SPON2: variants seen among roughly 807,000 people sequenced by gnomAD.
SPON2 encodes spondin 2.
Under a neutral mutation model 29.9 loss-of-function variants are expected in SPON2, and 32 were observed. The observed-to-expected ratio is 1.07, with a 90% CI of 0.81 to 1.44. The LOEUF is 1.44. SPON2 is among the 40% of genes most tolerant of loss of function. The pLI, the probability that SPON2 is intolerant of heterozygous loss-of-function variation, is 0.00. For synonymous variants in SPON2, 248 were observed against 209.1 expected (o/e 1.19, Z -1.61); for missense variants, 541 against 455.5 (o/e 1.19, Z -1.71).
chr4:1,172,315 C>A (rs927792838), intron 1 of SPON2: 1 of 580,058 alleles, frequency 1.7e-6, no homozygotes. Context: ...GTTTTCAGTC[C>A]GAGTCCCTGC....
chr4:1,174,273 G>T (rs903813421), upstream of SPON2, among the ~76,000 whole-genome samples: 1 of 151,904 alleles, frequency 6.6e-6, no homozygotes. Context: ...GATCACTTGA[G>T]GTCAGGAACT....
chr4:1,195,460 CCCTTGGAGGCTGCCATGGCA>C (rs1339631990), upstream of SPON2, among the ~76,000 whole-genome samples: 9 of 151,778 alleles, frequency 5.9e-5, no homozygotes, highest in African/African-American at 2.2e-4. Flanking sequence ...AGTCCTCGGC[CCCTTGGAGGCTGCCATGGCA>C]CCTGAACCTC....
rs1553831338 is a variant in SPON2, at chr4:1,188,223, A to AAAAG, written c.-239+6763_-239+6766dup. Reference sequence around the variant, plus strand: ...GTCTCAAAAAAAAAAAAAAAAAAAAAAAAGAAATGACAAATATGTTGAAAT... The same window carrying AAAAG: ...GTCTCAAAAAAAAAAAAAAAAAAAAAAAAGAAAGAAATGACAAATATGTTGAAAT... On this transcript the variant is annotated intron_variant, in intron 1 of 3. Transcript: ENST00000502483. Among the ~76,000 whole-genome samples, 1,107 of 143,394 alleles carry AAAAG rather than the reference A, an allele frequency of 7.7e-3. 10 individuals are homozygous for AAAAG. The highest frequency in any genetic ancestry group is 9.6e-3 in the Non-Finnish European group (629 of 65,620). The allele number at this position is 143,394 out of a possible 152,430, so 94.1% of individuals were successfully genotyped here.
chr4:1,201,266 T>C, intron 1 of SPON2: 1 of 390,126 alleles, frequency 2.6e-6, no homozygotes, highest in Admixed American at 2.6e-5. Context: ...ATGCCCGCCC[T>C]ACCTGCCCTG....
chr4:1,176,849 A>ACACTTCATTCATTCATTCAC (rs1727612835), upstream of SPON2, among the ~76,000 whole-genome samples: 2 of 151,522 alleles, frequency 1.3e-5, no homozygotes, highest in African/African-American at 4.9e-5. Context: ...GTTCATTCAC[A>ACACTTCATTCATTCATTCAC]CACTTCATTC....
At chr4:1,195,348 A>G (rs1229943928), upstream of SPON2, among the ~76,000 whole-genome samples, 1 of 151,978 alleles carries the variant, frequency 6.6e-6, no homozygotes, top group Non-Finnish European at 1.5e-5. Flanking sequence ...AGGCAACAGG[A>G]CCGGCCCCCT....
At chr4:1,201,097 C>T (rs1728192292) in intron 1 of SPON2, 2 of 455,152 alleles carry the variant, frequency 4.4e-6, no homozygotes, top group Admixed American at 4.7e-5. Flanking sequence ...CATGGATGCA[C>T]CCTGCCCACA....
intron 4 of SPON2, 200 bp downstream of exon 4, chr4:1,170,799 G>A: frequency 2.1e-6 from 2 of 958,984 alleles, no homozygotes; most frequent in East Asian, 5.2e-5. Context: ...TGTCCTCCCT[G>A]CGGTGCTGTG....
chr4:1,199,834 A>G (rs573883313), upstream of SPON2: 3 of 152,534 alleles, frequency 2.0e-5, no homozygotes, highest in African/African-American at 7.2e-5. This position sits in a 1 kb window ranked among gnomAD's most constrained non-coding sequence, Gnocchi z 4.5. Context: ...AGCTGGCAGG[A>G]ACAGTGTCTC....
chr4:1,171,666 A>G, intron 2 of SPON2, 180 bp from the exon 3 acceptor site: 1 of 765,816 alleles, frequency 1.3e-6, no homozygotes, highest in South Asian at 1.8e-5. Context: ...CCTCCCCGTG[A>G]GCGCCCCCTG....
chr4:1,194,910 G>A (rs2335915), intron 1 of SPON2: 33,606 of 89,878 alleles, frequency 0.37, 5,682 homozygotes, highest in Non-Finnish European at 0.43. Flanking sequence ...CTCCAACCCC[G>A]CAGCCGGCGG....
intron 1 of SPON2, among the ~76,000 whole-genome samples, chr4:1,207,286 G>T (rs1728365835): frequency 6.6e-6 from 1 of 152,128 alleles, no homozygotes; most frequent in Non-Finnish European, 1.5e-5. Context: ...GGTGAGTCCG[G>T]CTGCTCGACA....
At chr4:1,195,453 C>T (rs976540077), upstream of SPON2, among the ~76,000 whole-genome samples, 20 of 151,474 alleles carry the variant, frequency 1.3e-4, no homozygotes, top group Non-Finnish European at 2.5e-4. Context: ...CTCCCTAAGT[C>T]CTCGGCCCCT....
intron 1 of SPON2, among the ~76,000 whole-genome samples, chr4:1,193,628 G>C (rs1385362161): frequency 1.3e-5 from 1 of 74,934 alleles, no homozygotes; most frequent in Admixed American, 1.4e-4. Flanking sequence ...TGTGGAGGGG[G>C]CATGGGAAGG....
At chr4:1,167,838 T>G in intron 5 of SPON2, 182 bp from the exon 6 acceptor site, 3 of 565,800 alleles carry the variant, frequency 5.3e-6, no homozygotes, top group Middle Eastern at 4.7e-4. Context: ...CATAGCAACC[T>G]CGGACACAAC....
At chr4:1,186,243 CA>C (rs1269849796) in intron 1 of SPON2, among the ~76,000 whole-genome samples, 1,671 of 61,752 alleles carry the variant, frequency 0.027, 6 homozygotes, top group Non-Finnish European at 0.035. Context: ...GACTCCGTCT[CA>C]AAAAAAAAAA....
chr4:1,169,273 A>G (rs182826379), intron 5 of SPON2, among the ~76,000 whole-genome samples: 3 of 152,126 alleles, frequency 2.0e-5, no homozygotes, highest in Admixed American at 2.0e-4. Context: ...CACCACGAAC[A>G]GTGCTGGCAC....
upstream of SPON2, among the ~76,000 whole-genome samples, chr4:1,196,511 C>A (rs1176052744): frequency 6.6e-6 from 1 of 152,178 alleles, no homozygotes. Context: ...ACTGCGGTGA[C>A]CAGGGTTACT....
chr4:1,170,700 G>T lies in SPON2; in HGVS notation c.637-124C>A, dbSNP rs1248324343. On this transcript the variant is annotated intron_variant, in intron 4 of 5. Transcript: ENST00000290902. ...CCTCTGCACCACTGTTGGGGACAGG[G>T]TCCCATGTACTCCTCTCAGCCATCC... 3.3e-6 allele frequency: 4 copies of T among 1,227,822 alleles called. No homozygotes were observed. The Admixed American group carries it at 5.9e-5, about 18-fold the overall frequency. The allele number at this position is 1,227,822 out of a possible 1,614,324, so 76.1% of individuals were successfully genotyped here.
Sources: allele counts gnomAD v4.1 joint callset (sites outside exome capture counted in the v4.1 genomes callset), GRCh38; gene constraint gnomAD v4.1.1; non-coding constraint Gnocchi (gnomAD v3.1); transcripts MANE v1.5; gene names NCBI Gene and HGNC (gene_info 2026-07-23, HGNC 2026-07-21).